EFCAB5: variants seen among roughly 807,000 people sequenced by gnomAD.
The protein encoded by EFCAB5 is EF-hand calcium binding domain 5, also known as EF-hand calcium-binding domain-containing protein 5.
Under a neutral mutation model 167.9 loss-of-function variants are expected in EFCAB5, and 131 were observed. The observed-to-expected ratio is 0.78, with a 90% CI of 0.68 to 0.90. The LOEUF is 0.90. EFCAB5 is among the 40% of genes least tolerant of loss of function. The pLI is 0.00. For missense variants in EFCAB5, 1,663 were observed against 1,745.2 expected (o/e 0.95, Z 0.84); for synonymous variants, 574 against 602.8 (o/e 0.95, Z 0.70).
At chr17:29,952,595 A>G (rs941324930) in intron 3 of EFCAB5, among the ~76,000 whole-genome samples, 1 of 152,188 alleles carries the variant, frequency 6.6e-6, no homozygotes, top group Non-Finnish European at 1.5e-5. Context: ...CTAGACCTAT[A>G]CCTTTCAATA....
intron 2 of EFCAB5, among the ~76,000 whole-genome samples, chr17:29,943,313 C>T (rs1413842271): frequency 1.3e-5 from 2 of 152,052 alleles, no homozygotes; most frequent in African/African-American, 4.8e-5. Context: ...ATATTCCTAG[C>T]ATATTACTTT....
At chr17:29,944,749 G>A (rs1247488620) in intron 3 of EFCAB5, among the ~76,000 whole-genome samples, 4 of 151,022 alleles carry the variant, frequency 2.6e-5, no homozygotes, top group South Asian at 2.1e-4. Context: ...TCAGCCTCCC[G>A]AGTAGCTGGG....
chr17:30,080,152 G>A lies in EFCAB5; in HGVS notation c.3108G>A (p.Gly1036=), dbSNP rs139290678. ...AAAACCTACTACTGCCTGAGAAAGG[G>A]AATGTTCTATTGAGGAATGTGGCTT... ...LEENLLLPEK[G]NVLLRNVACT... Residue 1036 remains glycine (G), a synonymous_variant, in exon 16 of 23, where the codon GGG becomes GGA. Transcript: ENST00000394835. The A allele has an allele frequency of 3.7e-6, 6 of 1,613,796 alleles. No individual in the cohort carries two copies. The Admixed American group carries it at 5.0e-5, about 13-fold the overall frequency.
At chr17:29,995,645 T>C (rs1343555147) in intron 5 of EFCAB5, among the ~76,000 whole-genome samples, 1 of 152,220 alleles carries the variant, frequency 6.6e-6, no homozygotes, top group African/African-American at 2.4e-5. Context: ...TCAACTTTAA[T>C]TTTTCAGTCA....
At chr17:30,039,605 T>G (rs1320217095) in intron 8 of EFCAB5, among the ~76,000 whole-genome samples, 1 of 152,172 alleles carries the variant, frequency 6.6e-6, no homozygotes, top group Non-Finnish European at 1.5e-5. Context: ...ATATGCTCAG[T>G]GGGTAGATGT....
chr17:30,092,692 G>A (rs1418684598), intron 21 of EFCAB5, 148 bp from the exon 22 acceptor site: 2 of 514,144 alleles, frequency 3.9e-6, no homozygotes, highest in African/African-American at 4.0e-5. Flanking sequence ...CCCGGCCATG[G>A]GTAACCATCA....
At chr17:30,082,640 C>A (rs765127540) in intron 17 of EFCAB5, among the ~76,000 whole-genome samples, 1 of 152,100 alleles carries the variant, frequency 6.6e-6, no homozygotes, top group Non-Finnish European at 1.5e-5. Context: ...ATCCGCCCTG[C>A]CTTGGCCTCC....
chr17:30,094,803 G>A (rs1222495415), intron 22 of EFCAB5, among the ~76,000 whole-genome samples: 5 of 152,198 alleles, frequency 3.3e-5, no homozygotes, highest in African/African-American at 7.2e-5. Flanking sequence ...TTGTTGGGCA[G>A]GCCTGGCCTC....
At chr17:30,048,771 A>G (rs2151767785) in intron 8 of EFCAB5, among the ~76,000 whole-genome samples, 1 of 152,250 alleles carries the variant, frequency 6.6e-6, no homozygotes, top group East Asian at 1.9e-4. Flanking sequence ...TACAGGCATG[A>G]GCTGCTGCGC....
intron 21 of EFCAB5, 27 bp from the exon 22 acceptor site, chr17:30,092,813 A>G (rs2151850345): frequency 1.3e-6 from 2 of 1,549,908 alleles, no homozygotes; most frequent in Admixed American, 1.8e-5. Context: ...GTGATCCCAT[A>G]AATTTTCTCT....
At chr17:29,990,392 T>C (rs935026006) in intron 4 of EFCAB5, among the ~76,000 whole-genome samples, 8 of 152,134 alleles carry the variant, frequency 5.3e-5, no homozygotes, top group African/African-American at 1.2e-4. Flanking sequence ...ATTTCATTTT[T>C]CCCCATTTCC....
At chr17:30,062,050 T>C (rs2070439338) in intron 14 of EFCAB5, among the ~76,000 whole-genome samples, 1 of 152,262 alleles carries the variant, frequency 6.6e-6, no homozygotes, top group South Asian at 2.1e-4. Context: ...TAATTTTCTA[T>C]TTAAATGACG....
At chr17:29,993,104 C>G in intron 4 of EFCAB5, 61 bp from the exon 5 acceptor site, 1 of 1,439,826 alleles carries the variant, frequency 6.9e-7, no homozygotes, top group South Asian at 1.6e-5. Flanking sequence ...TTCCTGTGTT[C>G]CAATCTGGAC....
chr17:29,967,232 A>T (rs1369970253), intron 3 of EFCAB5, among the ~76,000 whole-genome samples: 1 of 152,094 alleles, frequency 6.6e-6, no homozygotes, highest in Non-Finnish European at 1.5e-5. Flanking sequence ...TGAATTTGAG[A>T]TTCTCTATTT....
Position 30,073,039 on chromosome 17 carries a change from C to T in EFCAB5, c.2738-5176C>T, listed in dbSNP as rs182375467. On this transcript the variant is annotated intron_variant, in intron 14 of 22. Transcript: ENST00000394835. ...CTCTGCACTCTGGCTCCTGTGTCCT[C>T]CCCTCCCCATGCCCAACCTTTATTT... 58 of 600,986 alleles carry T rather than the reference C, an allele frequency of 9.7e-5. No individual in the cohort carries two copies. The Middle Eastern group carries it at 2.8e-3, about 29-fold the overall frequency. The allele number at this position is 600,986 out of a possible 1,614,324, so 37.2% of individuals were successfully genotyped here. A position where few individuals can be genotyped will look rare whatever the true frequency, so the allele number is the denominator to read the frequency against.
At chr17:29,988,940 T>G (rs556304523) in intron 4 of EFCAB5, among the ~76,000 whole-genome samples, 1 of 152,270 alleles carries the variant, frequency 6.6e-6, no homozygotes, top group African/African-American at 2.4e-5. Flanking sequence ...TTTATTTGAG[T>G]CTTATGCACT....
intron 7 of EFCAB5, among the ~76,000 whole-genome samples, chr17:30,021,949 A>T (rs1276075841): frequency 6.6e-6 from 1 of 152,182 alleles, no homozygotes; most frequent in Non-Finnish European, 1.5e-5. Flanking sequence ...TGTAAAGAGC[A>T]ATGTAATTAG....
At chr17:29,995,626 G>A (rs1047351154) in intron 5 of EFCAB5, among the ~76,000 whole-genome samples, 11 of 152,140 alleles carry the variant, frequency 7.2e-5, no homozygotes, top group Non-Finnish European at 1.5e-5. Flanking sequence ...CCATTGACTG[G>A]AAATTTTTTC....
intron 6 of EFCAB5, among the ~76,000 whole-genome samples, chr17:29,996,702 A>G (rs2068551057): frequency 6.6e-6 from 1 of 152,250 alleles, no homozygotes; most frequent in South Asian, 2.1e-4. Context: ...GTAAAGGCAT[A>G]AGAAAACTAT....
Sources: allele counts gnomAD v4.1 joint callset (sites outside exome capture counted in the v4.1 genomes callset), GRCh38; gene constraint gnomAD v4.1.1; transcripts MANE v1.5; gene names NCBI Gene and HGNC (gene_info 2026-07-23, HGNC 2026-07-21).